Variants in PLCG1 observed in about 807,000 individuals in gnomAD.
PLCG1 encodes 1-phosphatidylinositol 4,5-bisphosphate phosphodiesterase gamma-1.
A neutral mutation model predicts 177.8 loss-of-function variants in PLCG1; 71 were observed. That is an observed-to-expected ratio of 0.40 (90% CI 0.33 to 0.49). The LOEUF (loss-of-function observed/expected upper bound fraction) is 0.49. PLCG1 is among the 20% of genes least tolerant of loss of function. PLCG1 has a pLI of 0.72. For missense variants in PLCG1, 1,281 were observed against 1,709.0 expected, an observed-to-expected ratio of 0.75 and a Z score of 4.42; for synonymous variants, 658 against 647.9, an observed-to-expected ratio of 1.02 and a Z score of -0.24.
chr20:41,159,735 G>A lies in PLCG1; in HGVS notation c.347G>A (p.Arg116His), dbSNP rs1435051754. The change falls in exon 2 of 32, where the codon CGC becomes CAC. Residue 116 changes from arginine (R) to histidine (H), a missense_variant. Transcript: ENST00000685551. This position sits in a 1 kb window ranked among gnomAD's most constrained non-coding sequence, Gnocchi z 6.0. ...GTCATTCTCTATGGAATGGAATTTC[G>A]CCTGAAAACGCTGAGCCTGCAAGGT... Reference protein sequence around the residue: ...CFVILYGMEFRLKTLSLQATS... With the variant: ...CFVILYGMEFHLKTLSLQATS... 1.9e-6 allele frequency: 3 copies of A among 1,614,066 alleles called. No individual in the cohort carries two copies. The highest frequency in any genetic ancestry group is 2.5e-6 in the Non-Finnish European group (3 of 1,180,040).
Position 41,137,966 on chromosome 20 carries a change from C to G in PLCG1, c.217+108C>G. The G allele has an allele frequency of 1.3e-6, 1 of 761,904 alleles. No individual in the cohort carries two copies. The highest frequency in any genetic ancestry group is 1.8e-6 in the Non-Finnish European group (1 of 553,502). The allele number at this position is 761,904 out of a possible 1,614,324, so 47.2% of individuals were successfully genotyped here. ...CGCCCCAGCGACTTGGGCAAACTTT[C>G]GGGCCCTCCCAGACTCCCTCCGGGC... On this transcript the variant is annotated intron_variant, in intron 1 of 31. Transcript: ENST00000685551. The surrounding 1 kb of genome is among the most constrained non-coding windows in gnomAD (Gnocchi z 7.3).
Position 41,164,267 on chromosome 20 carries a change from AG to A in PLCG1, c.1217+69del. 6.5e-7 allele frequency: 1 copy of A among 1,542,784 alleles called. No individual in the cohort carries two copies. Among genetic ancestry groups the A allele is most frequent in the Non-Finnish European group, 8.9e-7 (1 of 1,120,408 alleles). Reference sequence around the variant, plus strand: ...CAGGTCTCTCGTTCTAGAGGGACAGAGGGCAGAAAGACTCCTCAAATGCCCT... The same window carrying A: ...CAGGTCTCTCGTTCTAGAGGGACAGAGGCAGAAAGACTCCTCAAATGCCCT... On this transcript the variant is annotated intron_variant, in intron 12 of 31. Coordinates refer to ENST00000685551, the MANE Select transcript of PLCG1 (RefSeq NM_002660.3). This position sits in a 1 kb window ranked among gnomAD's most constrained non-coding sequence, Gnocchi z 6.4.
rs1001221848 is a variant in PLCG1, at chr20:41,163,548, T to C, written c.891+69T>C. On this transcript the variant is annotated intron_variant, in intron 9 of 31. Transcript: ENST00000685551. The surrounding 1 kb of genome is among the most constrained non-coding windows in gnomAD (Gnocchi z 5.2). The stretch of plus-strand genomic sequence containing the variant: ...GGGGTGACCAGGACCCCACCCGGGC[T>C]CCAGGAGCTAGACGCTCCTTAGGGA... The C allele has an allele frequency of 3.3e-5, 41 of 1,235,858 alleles. No homozygotes were observed. The highest frequency in any genetic ancestry group is 4.8e-5 in the Non-Finnish European group (40 of 840,642). The allele number at this position is 1,235,858 out of a possible 1,614,324, so 76.6% of individuals were successfully genotyped here.
At position 41,146,769 on chromosome 20, in the gene PLCG1, C is replaced by T. The variant is rs34983865; in HGVS notation, c.217+8911C>T. On this transcript the variant is annotated intron_variant, in intron 1 of 31. Transcript: ENST00000685551. This position sits in a 1 kb window ranked among gnomAD's most constrained non-coding sequence, Gnocchi z 6.3. ...GCTTGGCCTTGCCCATGGTAGGAGT[C>T]GGGTATTGACCACACTGGGTTCTGG... 4.1e-3 allele frequency among the ~76,000 whole-genome samples: 626 copies of T among 152,218 alleles called. 4 individuals carry two copies. The highest frequency in any genetic ancestry group is 0.012 in the Admixed American group (177 of 15,286).
At chr20:41,170,628 G>A (rs752327076) in intron 24 of PLCG1, 2 of 204,854 alleles carry the variant, frequency 9.8e-6, no homozygotes, top group Non-Finnish European at 2.0e-5. Flanking sequence ...AGAGAACTTG[G>A]GATGGATTGA....
Position 41,153,132 on chromosome 20 carries a change from T to A in PLCG1, c.218-6474T>A, listed in dbSNP as rs1387570984. The stretch of plus-strand genomic sequence containing the variant: ...AAATCTTCGCTTACCTCTTTCAAGC[T>A]CTTTAGATTTTAAAGAGACCTTTCA... On this transcript the variant is annotated intron_variant, in intron 1 of 31. Coordinates refer to ENST00000685551, the MANE Select transcript of PLCG1 (RefSeq NM_002660.3). This position sits in a 1 kb window ranked among gnomAD's most constrained non-coding sequence, Gnocchi z 5.1. Among the ~76,000 whole-genome samples, 1 of 152,204 alleles carries A rather than the reference T, an allele frequency of 6.6e-6. No homozygotes were observed. Among genetic ancestry groups the A allele is most frequent in the Non-Finnish European group, 1.5e-5 (1 of 68,026 alleles).
chr20:41,140,996 G>A (rs1205707819), intron 1 of PLCG1, among the ~76,000 whole-genome samples: 1 of 152,188 alleles, frequency 6.6e-6, no homozygotes, highest in Non-Finnish European at 1.5e-5. Context: ...AGACACCTTT[G>A]TGCTCAGACC....
chr20:41,163,003 G>T lies in PLCG1; in HGVS notation c.716+11G>T. 1.2e-6 allele frequency: 2 copies of T among 1,613,660 alleles called. No homozygotes were observed. The highest frequency in any genetic ancestry group is 1.7e-6 in the Non-Finnish European group (2 of 1,179,564). On this transcript the variant is annotated intron_variant, in intron 7 of 31. Coordinates refer to ENST00000685551, the MANE Select transcript of PLCG1 (RefSeq NM_002660.3). The surrounding 1 kb of genome is among the most constrained non-coding windows in gnomAD (Gnocchi z 5.2). ...AGCCAGTACTCTGAGGTTTGGTTTG[G>T]AGTGGGGAGGTGGGGTTTTCCCTGG...
rs766975199 is a variant in PLCG1 at position 41,168,878 on chromosome 20, A to G, written c.2483+8A>G. On this transcript the variant is annotated splice_region_variant and intron_variant, in intron 21 of 31. Coordinates refer to ENST00000685551, the MANE Select transcript of PLCG1 (RefSeq NM_002660.3). ...GAAGCAAGAGGGAGGCTGGTAAGCC[A>G]GTGGTGTGGTAGGCCCAGAGTCCAA... 1.3e-6 allele frequency: 2 copies of G among 1,587,368 alleles called. No individual in the cohort carries two copies. Among genetic ancestry groups the G allele is most frequent in the Admixed American group, 1.7e-5 (1 of 59,938 alleles).
intron 24 of PLCG1, chr20:41,170,528 A>AGACCAGAG (rs1275394961): frequency 2.2e-6 from 1 of 445,834 alleles, no homozygotes; most frequent in East Asian, 4.1e-5. Flanking sequence ...TGGATACACA[A>AGACCAGAG]GACCAGAGGT....
rs1555812778 is a variant in PLCG1 at position 41,157,204 on chromosome 20, C to CTGTCTGTGTG, written c.218-2399_218-2398insCTGTGTGTGT. Among the ~76,000 whole-genome samples the CTGTCTGTGTG allele has an allele frequency of 6.9e-6, 1 of 143,936 alleles. No homozygotes were observed. The highest frequency in any genetic ancestry group is 2.7e-5 in the African/African-American group (1 of 37,218). The allele number at this position is 143,936 out of a possible 152,430, so 94.4% of individuals were successfully genotyped here. A position where few individuals can be genotyped will look rare whatever the true frequency, so the allele number is the denominator to read the frequency against. On this transcript the variant is annotated intron_variant, in intron 1 of 31. Transcript: ENST00000685551. The surrounding 1 kb of genome is among the most constrained non-coding windows in gnomAD (Gnocchi z 5.4). ...GTGCAGGAGTGCAGGCCTGTTGACT[C>CTGTCTGTGTG]TGTGTGTGTGTGTGTGTGTGTGTGT...
In PLCG1 at chr20:41,156,711, A is replaced by T. The variant is rs2035332770; in HGVS notation, c.218-2895A>T. On this transcript the variant is annotated intron_variant, in intron 1 of 31. Transcript: ENST00000685551. This position sits in a 1 kb window ranked among gnomAD's most constrained non-coding sequence, Gnocchi z 5.0. ...AACGTGTGACTTTCCTACTCCCCTAAGTAGTTCTCCCCTTCTCAAGCTCCT... is the reference window on the plus strand; with the variant it reads ...AACGTGTGACTTTCCTACTCCCCTATGTAGTTCTCCCCTTCTCAAGCTCCT... Among the ~76,000 whole-genome samples, 1 of 152,136 alleles carries T rather than the reference A, an allele frequency of 6.6e-6. No individual in the cohort carries two copies. Among genetic ancestry groups the T allele is most frequent in the African/African-American group, 2.4e-5 (1 of 41,406 alleles).
In PLCG1 at chr20:41,176,053, G is replaced by T. The variant is rs1045061910; in HGVS notation, c.*1544G>T. 2 of 152,164 alleles carry T rather than the reference G, an allele frequency of 1.3e-5. No individual in the cohort carries two copies. The highest frequency in any genetic ancestry group is 1.5e-5 in the Non-Finnish European group (1 of 68,040). 9.4% of individuals were successfully genotyped at this position (152,164 alleles called of 1,614,324 possible). On this transcript the variant is annotated 3_prime_UTR_variant, in exon 32 of 32. Transcript: ENST00000685551. ...TCTCCTTTCAAAAATGTTGCATTCA[G>T]TTCGTTAACACTGCCAGGTGCCATT...
At chr20:41,152,015 C>T (rs1445914427) in intron 1 of PLCG1, among the ~76,000 whole-genome samples, 1 of 152,220 alleles carries the variant, frequency 6.6e-6, no homozygotes, top group Non-Finnish European at 1.5e-5. Flanking sequence ...CCAGATGATA[C>T]TCACTTCTGC....
At position 41,166,114 on chromosome 20, in the gene PLCG1, C is replaced by T. The variant is rs1017501553; in HGVS notation, c.1800-80C>T. ...TCCTTGAGGCTCCCTCCTTGAGTTC[C>T]ACCCTCATTTGGGGTGGAACTTGGT... On this transcript the variant is annotated intron_variant, in intron 16 of 31. Coordinates refer to ENST00000685551, the MANE Select transcript of PLCG1 (RefSeq NM_002660.3). This position sits in a 1 kb window ranked among gnomAD's most constrained non-coding sequence, Gnocchi z 8.6. The T allele has an allele frequency of 4.2e-5, 54 of 1,295,620 alleles. No homozygotes were observed. Among genetic ancestry groups the T allele is most frequent in the Non-Finnish European group, 5.1e-5 (47 of 913,268 alleles). 80.3% of individuals were successfully genotyped at this position (1,295,620 alleles called of 1,614,324 possible).
At chr20:41,152,958 C>T (rs1189588405) in intron 1 of PLCG1, among the ~76,000 whole-genome samples, 1 of 152,168 alleles carries the variant, frequency 6.6e-6, no homozygotes, top group Non-Finnish European at 1.5e-5. Flanking sequence ...GTTAATTGGA[C>T]TTGGACCCTT....
In PLCG1 at chr20:41,172,844, C is replaced by T. The variant is rs1284667325; in HGVS notation, c.3246C>T (p.Leu1082=). The T allele has an allele frequency of 6.2e-7, 1 of 1,614,180 alleles. No homozygotes were observed. The highest frequency in any genetic ancestry group is 8.5e-7 in the Non-Finnish European group (1 of 1,180,038). The stretch of plus-strand genomic sequence containing the variant: ...TCGACCCCTTTGACAAGAGCAGCCT[C>T]CGCGGGCTGGAGCCATGTGCCATCT... The part of the protein sequence containing the change: ...EAFDPFDKSS[L]RGLEPCAISI... Residue 1082 remains leucine (L), a synonymous_variant, in exon 27 of 32, where the codon CTC becomes CTT. Transcript: ENST00000685551. This position sits in a 1 kb window ranked among gnomAD's most constrained non-coding sequence, Gnocchi z 7.0.
In PLCG1 at chr20:41,167,593, G is replaced by C; in HGVS notation, c.2302-259G>C. The C allele has an allele frequency of 1.9e-6, 1 of 513,540 alleles. No individual in the cohort carries two copies. The highest frequency in any genetic ancestry group is 2.3e-5 in the South Asian group (1 of 43,966). The allele number at this position is 513,540 out of a possible 1,614,324, so 31.8% of individuals were successfully genotyped here. A position where few individuals can be genotyped will look rare whatever the true frequency, so the allele number is the denominator to read the frequency against. ...ACCTGCACATAGCTCAGAAATACTT[G>C]GGAGTTTGGGCATTTAGGACCTGAG... On this transcript the variant is annotated intron_variant, in intron 19 of 31. Coordinates refer to ENST00000685551, the MANE Select transcript of PLCG1 (RefSeq NM_002660.3). The surrounding 1 kb of genome is among the most constrained non-coding windows in gnomAD (Gnocchi z 4.4).
chr20:41,174,766 C>T lies in PLCG1; in HGVS notation c.*257C>T. 2 of 507,008 alleles carry T rather than the reference C, an allele frequency of 3.9e-6. No individual in the cohort carries two copies. The highest frequency in any genetic ancestry group is 2.1e-5 in the South Asian group (1 of 46,602). The allele number at this position is 507,008 out of a possible 1,614,324, so 31.4% of individuals were successfully genotyped here. ...ATTAAGCACACACATCTGGCCCTGACTTCTGGAGATGGATCCTTCCATCTT... is the reference window on the plus strand; with the variant it reads ...ATTAAGCACACACATCTGGCCCTGATTTCTGGAGATGGATCCTTCCATCTT... On this transcript the variant is annotated 3_prime_UTR_variant, in exon 32 of 32. Coordinates refer to ENST00000685551, the MANE Select transcript of PLCG1 (RefSeq NM_002660.3). This position sits in a 1 kb window ranked among gnomAD's most constrained non-coding sequence, Gnocchi z 5.8.
Sources: allele counts gnomAD v4.1 joint callset (sites outside exome capture counted in the v4.1 genomes callset), GRCh38; gene constraint gnomAD v4.1.1; non-coding constraint Gnocchi (gnomAD v3.1); transcripts MANE v1.5; gene names NCBI Gene and HGNC (gene_info 2026-07-23, HGNC 2026-07-21).